The following CIMIP2A variants were observed in gnomAD, a reference collection of about 807,000 sequenced individuals.
The protein encoded by CIMIP2A is family with sequence similarity 166 member A.
At chr9:137,254,982 G>A in the CIMIP2A span, among the ~76,000 whole-genome samples, 1 of 152,248 alleles carries the variant, frequency 6.6e-6, no homozygotes, top group African/African-American at 2.4e-5. Flanking sequence ...GGGCAGAGGG[G>A]CGGGGAGCTC....
chr9:137,253,564 C>A, the CIMIP2A span: 1 of 1,308,534 alleles, frequency 7.6e-7, no homozygotes, highest in Non-Finnish European at 1.0e-6. Flanking sequence ...TTCCGGCTTT[C>A]CCTGTTGAGG....
the CIMIP2A span, chr9:137,251,947 T>C: frequency 1.3e-5 from 21 of 1,596,482 alleles, no homozygotes; most frequent in Non-Finnish European, 1.6e-5. Flanking sequence ...TGGGGGGCTG[T>C]GGGAGGGGCC....
At chr9:137,248,415 C>A in the CIMIP2A span, among the ~76,000 whole-genome samples, 5 of 151,806 alleles carry the variant, frequency 3.3e-5, no homozygotes, top group African/African-American at 1.2e-4. Flanking sequence ...CGGTGGCGTG[C>A]GCCTGTAGTC....
the CIMIP2A span, chr9:137,247,532 G>C: frequency 1.2e-5 from 10 of 847,486 alleles, no homozygotes; most frequent in Non-Finnish European, 1.9e-5. Flanking sequence ...GTGCCCCGTG[G>C]TGTGGCCTTC....
chr9:137,243,941 C>A, the CIMIP2A span, among the ~76,000 whole-genome samples: 17 of 152,134 alleles, frequency 1.1e-4, no homozygotes, highest in Non-Finnish European at 2.4e-4. Flanking sequence ...CTGTCCTGTT[C>A]CAGGTACCCA....
the CIMIP2A span, chr9:137,250,301 G>A: frequency 1.3e-5 from 2 of 152,312 alleles, no homozygotes; most frequent in African/African-American, 4.8e-5. Flanking sequence ...CCAATGACAA[G>A]GGCTTCATTA....
the CIMIP2A span, chr9:137,252,903 GC>G: frequency 1.3e-6 from 2 of 1,597,916 alleles, no homozygotes; most frequent in Admixed American, 1.7e-5. Flanking sequence ...CGCCTGCAGA[GC>G]CCCCGCTCGC....
the CIMIP2A span, chr9:137,243,740 G>T: frequency 6.2e-7 from 1 of 1,614,106 alleles, no homozygotes; most frequent in African/African-American, 1.3e-5. Flanking sequence ...CTTCCAGTAG[G>T]CCCTCCGGGT....
chr9:137,251,739 C>G, the CIMIP2A span: 1 of 1,562,802 alleles, frequency 6.4e-7, no homozygotes, highest in Non-Finnish European at 8.7e-7. Flanking sequence ...CCCTTGCAGG[C>G]CCAAGGCATC....
At chr9:137,244,323 C>G in the CIMIP2A span, 1 of 1,612,168 alleles carries the variant, frequency 6.2e-7, no homozygotes, top group Non-Finnish European at 8.5e-7. Context: ...AAGCTCCCTC[C>G]CCGGCAGGCA....
the CIMIP2A span, chr9:137,243,928 G>A: frequency 2.5e-5 from 26 of 1,037,574 alleles, no homozygotes; most frequent in Middle Eastern, 3.0e-4. Context: ...GTTGAAGGCA[G>A]GCCTGTCCTG....
At chr9:137,243,761 A>G in the CIMIP2A span, 1 of 1,614,014 alleles carries the variant, frequency 6.2e-7, no homozygotes, top group Non-Finnish European at 8.5e-7. Context: ...GCTGTTGCCG[A>G]ATGTCAGGGC....
chr9:137,244,614 G>A, the CIMIP2A span: 1 of 1,611,950 alleles, frequency 6.2e-7, no homozygotes. Context: ...TGTGAGCTGG[G>A]AGCAGGCCCT....
At chr9:137,245,720 A>C in the CIMIP2A span, 1 of 1,602,698 alleles carries the variant, frequency 6.2e-7, no homozygotes, top group Non-Finnish European at 8.5e-7. Context: ...TCCTCAATGA[A>C]CTTGGGTTTG....
At chr9:137,252,165 C>T in the CIMIP2A span, 1 of 1,587,018 alleles carries the variant, frequency 6.3e-7, no homozygotes, top group East Asian at 2.2e-5. Context: ...GGCCCAACCA[C>T]CGGGCCTGTC....
chr9:137,252,736 C>G, the CIMIP2A span: 13 of 1,555,316 alleles, frequency 8.4e-6, no homozygotes, highest in Admixed American at 2.3e-4. Context: ...GCTGCCACTC[C>G]GCTTCCAAGA....
chr9:137,245,630 G>A, the CIMIP2A span: 3 of 1,610,188 alleles, frequency 1.9e-6, no homozygotes, highest in South Asian at 1.1e-5. Flanking sequence ...CTGGGGACTG[G>A]CAGCTCACTG....
chr9:137,247,551 G>A, the CIMIP2A span: 1 of 1,029,216 alleles, frequency 9.7e-7, no homozygotes, highest in Admixed American at 2.1e-5. Context: ...TCAGTTTCCT[G>A]GGGTCCAGCT....
At chr9:137,243,841 T>G in the CIMIP2A span, 2 of 1,577,368 alleles carry the variant, frequency 1.3e-6, no homozygotes, top group South Asian at 1.1e-5. Context: ...AGGACCAGCA[T>G]GGGCTGGACA....
Sources: allele counts gnomAD v4.1 joint callset (sites outside exome capture counted in the v4.1 genomes callset), GRCh38; gene constraint gnomAD v4.1.1; transcripts MANE v1.5; gene names NCBI Gene and HGNC (gene_info 2026-07-23, HGNC 2026-07-21).